Variants in RBFOX1 observed in about 807,000 individuals in gnomAD.
RBFOX1 encodes RNA binding fox-1 homolog 1.
RBFOX1 carries 8 observed loss-of-function variants against 57.7 expected under a neutral mutation model. The observed-to-expected ratio is 0.14, with a 90% CI of 0.08 to 0.25. The LOEUF (loss-of-function observed/expected upper bound fraction) is 0.25. Ranked by LOEUF, RBFOX1 falls within the 10% of genes least tolerant of loss-of-function variation. The pLI, the probability that RBFOX1 is intolerant of heterozygous loss-of-function variation, is 1.00. For missense variants in RBFOX1, 611 were observed against 548.5 expected (o/e 1.11, Z -1.14); for synonymous variants, 326 against 222.4 (o/e 1.47, Z -4.15).
intron 2 of RBFOX1, among the ~76,000 whole-genome samples, chr16:6,566,008 A>G (rs1391656449): frequency 6.6e-6 from 1 of 152,164 alleles, no homozygotes; most frequent in Non-Finnish European, 1.5e-5. Flanking sequence ...TTCTTCATGC[A>G]GGGTCACAGG....
intron 9 of RBFOX1, among the ~76,000 whole-genome samples, chr16:7,606,429 T>A (rs1307936825): frequency 6.6e-6 from 1 of 152,154 alleles, no homozygotes; most frequent in East Asian, 1.9e-4. Context: ...CCCGCACGGA[T>A]GCTTTTATGA....
rs532762489 is a variant in RBFOX1 at position 5,683,628 on chromosome 16, A to G, written c.318+84667A>G. On this transcript the variant is annotated intron_variant, in intron 3 of 19. Transcript: ENST00000641259. ...TCCTGCCCTTGAACATCAGACTCCA[A>G]GTTCTTTAGTTCTGGGACTTGGACT... Among the ~76,000 whole-genome samples the G allele has an allele frequency of 9.9e-5, 15 of 151,862 alleles. No homozygotes were observed. In the South Asian group the frequency reaches 1.3e-3, roughly 13 times the overall value.
chr16:6,016,175 C>A (rs1355434930), upstream of RBFOX1, among the ~76,000 whole-genome samples: 1 of 152,150 alleles, frequency 6.6e-6, no homozygotes, highest in Non-Finnish European at 1.5e-5. Flanking sequence ...AAGAGAACAA[C>A]ATTTACAGTA....
chr16:6,051,659 G>A (rs2095553121), intron 1 of RBFOX1, among the ~76,000 whole-genome samples: 1 of 152,126 alleles, frequency 6.6e-6, no homozygotes, highest in South Asian at 2.1e-4. Context: ...TGCCTCTCAG[G>A]TTCAAGCAAT....
At chr16:7,275,999 A>G (rs1445148940) in intron 4 of RBFOX1, among the ~76,000 whole-genome samples, 1 of 152,258 alleles carries the variant, frequency 6.6e-6, no homozygotes, top group Admixed American at 6.5e-5. Flanking sequence ...CTGAGATTAC[A>G]CACTGCCTAA....
chr16:6,578,206 C>T (rs1375744183), intron 2 of RBFOX1, among the ~76,000 whole-genome samples: 2 of 152,176 alleles, frequency 1.3e-5, no homozygotes, highest in Non-Finnish European at 2.9e-5. Flanking sequence ...TCATATCTTA[C>T]GTAGTGATAA....
At chr16:7,224,048 G>C (rs2092927051) in intron 4 of RBFOX1, among the ~76,000 whole-genome samples, 1 of 146,090 alleles carries the variant, frequency 6.8e-6, no homozygotes, top group Non-Finnish European at 1.5e-5. Context: ...ATGACCTTTG[G>C]GATGCATCAG....
intron 1 of RBFOX1, among the ~76,000 whole-genome samples, chr16:5,449,089 G>C (rs1158665858): frequency 6.6e-6 from 1 of 152,064 alleles, no homozygotes; most frequent in Non-Finnish European, 1.5e-5. Context: ...TGTGCATCTG[G>C]TGCACACTTC....
chr16:7,165,416 A>AATAATAATGAT (rs1364318668), intron 4 of RBFOX1, among the ~76,000 whole-genome samples: 2 of 147,920 alleles, frequency 1.4e-5, no homozygotes, highest in Non-Finnish European at 3.0e-5. Context: ...TAATGATAAT[A>AATAATAATGAT]ATCATTATTA....
rs967971577 is a variant in RBFOX1 at position 6,648,222 on chromosome 16, T to C, written c.-63-6381T>C. Among the ~76,000 whole-genome samples, 4 of 151,864 alleles carry C rather than the reference T, an allele frequency of 2.6e-5. No individual in the cohort carries two copies. The South Asian group carries it at 8.3e-4, about 32-fold the overall frequency. The stretch of plus-strand genomic sequence containing the variant: ...CACCCCACCTAGCTAATTTTTTTCT[T>C]CTTTATTATTATTTTTTTTGTAGAG... On this transcript the variant is annotated intron_variant, in intron 2 of 15. Transcript: ENST00000550418.
At chr16:6,931,954 C>T (rs764579546) in intron 3 of RBFOX1, among the ~76,000 whole-genome samples, 1 of 152,202 alleles carries the variant, frequency 6.6e-6, no homozygotes, top group East Asian at 1.9e-4. Context: ...TGAAGTCATC[C>T]TTTTAATCAG....
intron 1 of RBFOX1, among the ~76,000 whole-genome samples, chr16:5,345,538 T>C (rs1397287615): frequency 6.6e-6 from 1 of 152,228 alleles, no homozygotes; most frequent in Non-Finnish European, 1.5e-5. Context: ...GGGTTCTGGC[T>C]ACATTTGGCT....
intron 12 of RBFOX1, 185 bp from the exon 13 acceptor site, chr16:7,664,744 G>A (rs1284225586): frequency 2.0e-6 from 2 of 1,013,092 alleles, no homozygotes; most frequent in Non-Finnish European, 1.4e-6. Context: ...CCAAAGCCCG[G>A]CCTAATTTTC....
At chr16:5,337,575 G>A (rs1040366139) in intron 1 of RBFOX1, among the ~76,000 whole-genome samples, 3 of 152,098 alleles carry the variant, frequency 2.0e-5, no homozygotes, top group Non-Finnish European at 4.4e-5. Context: ...TAAAATAAAT[G>A]CTCATAAATG....
intron 3 of RBFOX1, among the ~76,000 whole-genome samples, chr16:5,650,188 G>A (rs951205472): frequency 2.6e-5 from 4 of 152,152 alleles, no homozygotes; most frequent in African/African-American, 7.2e-5. Flanking sequence ...GTCGTAAGAC[G>A]AGGCTCTCAA....
chr16:6,729,462 G>T (rs757000910), intron 3 of RBFOX1, among the ~76,000 whole-genome samples: 6 of 152,124 alleles, frequency 3.9e-5, no homozygotes, highest in Non-Finnish European at 8.8e-5. Context: ...AGTATTGTAG[G>T]AGCCTTCCCA....
rs1039211624 is a variant in RBFOX1 at position 6,780,537 on chromosome 16, TA to T, written c.-16+125888del. Among the ~76,000 whole-genome samples the T allele has an allele frequency of 3.1e-3, 399 of 129,352 alleles. 1 individual carries two copies. Among genetic ancestry groups the T allele is most frequent in the Middle Eastern group, 7.8e-3 (2 of 258 alleles). The allele number at this position is 129,352 out of a possible 152,430, so 84.9% of individuals were successfully genotyped here. On this transcript the variant is annotated intron_variant, in intron 3 of 15. Transcript: ENST00000550418. The stretch of plus-strand genomic sequence containing the variant: ...ATATACATTTATATATATTTATATA[TA>T]CATTTACATATATATTTACATATTT...
At chr16:6,723,403 C>G (rs1056640944) in intron 3 of RBFOX1, among the ~76,000 whole-genome samples, 2 of 152,128 alleles carry the variant, frequency 1.3e-5, no homozygotes, top group Non-Finnish European at 2.9e-5. Context: ...CTTAAAGATA[C>G]CACTATGGAG....
At chr16:6,212,740 C>G (rs1399523890) in intron 1 of RBFOX1, among the ~76,000 whole-genome samples, 1 of 151,654 alleles carries the variant, frequency 6.6e-6, no homozygotes, top group Non-Finnish European at 1.5e-5. Context: ...AAAAAAAAAC[C>G]CACTAATATG....
Sources: gnomAD v4.1 joint callset for allele counts (sites outside exome capture counted in the v4.1 genomes callset) on GRCh38, gnomAD v4.1.1 for gene constraint, MANE v1.5 for transcripts, NCBI Gene and HGNC (gene_info 2026-07-23, HGNC 2026-07-21) for gene names.